The following MGAT4C variants were observed in gnomAD, a reference collection of about 807,000 sequenced individuals.
The protein encoded by MGAT4C is MGAT4 family member C, also known as alpha-1,3-mannosyl-glycoprotein 4-beta-N-acetylglucosaminyltransferase C.
Under a neutral mutation model 40.1 loss-of-function variants are expected in MGAT4C, and 19 were observed. The ratio of observed to expected loss-of-function variants is 0.47; its 90% CI spans 0.33 to 0.70. The LOEUF (loss-of-function observed/expected upper bound fraction) is 0.70, where lower values mean the gene tolerates loss of function less well. Ranked by LOEUF, MGAT4C falls within the 30% of genes least tolerant of loss-of-function variation. MGAT4C has a pLI of 0.02. For synonymous variants in MGAT4C, 181 were observed against 187.1 expected (o/e 0.97, Z 0.27); for missense variants, 491 against 563.2 (o/e 0.87, Z 1.30).
rs118171256 is a variant in MGAT4C at position 86,422,373 on chromosome 12, C to A, written c.-120+12784G>T. On this transcript the variant is annotated intron_variant, in intron 3 of 7. Transcript: ENST00000548651. ...ATTAAAAATATAACTTATGAGAAAC[C>A]AATTTATTTTCAAAATTTACTCACA... 7.9e-4 allele frequency among the ~76,000 whole-genome samples: 121 copies of A among 152,208 alleles called. 5 individuals are homozygous for A. The East Asian group carries it at 0.022, about 28-fold the overall frequency.
intron 3 of MGAT4C, among the ~76,000 whole-genome samples, chr12:86,429,393 GAAT>G (rs1245711875): frequency 1.3e-5 from 2 of 152,104 alleles, no homozygotes; most frequent in Non-Finnish European, 2.9e-5. Context: ...GATCTATTCT[GAAT>G]AATGTTTGTT....
chr12:86,788,889 A>G (rs1421308384), intron 1 of MGAT4C, among the ~76,000 whole-genome samples: 1 of 152,288 alleles, frequency 6.6e-6, no homozygotes, highest in African/African-American at 2.4e-5. Context: ...TAAGTTTCTC[A>G]TACTTTTGTA....
chr12:86,658,582 CAAAA>C (rs1379584416), intron 2 of MGAT4C, among the ~76,000 whole-genome samples: 1 of 151,966 alleles, frequency 6.6e-6, no homozygotes, highest in Non-Finnish European at 1.5e-5. Context: ...TCACTTAAAA[CAAAA>C]AGAATAAAAG....
At position 86,005,059 on chromosome 12, in the gene MGAT4C, C is replaced by T. The variant is rs566353880; in HGVS notation, c.-6-15507G>A. Among the ~76,000 whole-genome samples, 4 of 152,302 alleles carry T rather than the reference C, an allele frequency of 2.6e-5. No individual in the cohort carries two copies. The East Asian group carries it at 7.7e-4, about 29-fold the overall frequency. On this transcript the variant is annotated intron_variant, in intron 2 of 4. Coordinates refer to ENST00000611864, the MANE Select transcript of MGAT4C (RefSeq NM_001351288.2). ...ATCTCGTTGTAAGATCAAATCAGATCACACCTCGTTACCCTCTGCCTATAA... is the reference window on the plus strand; with the variant it reads ...ATCTCGTTGTAAGATCAAATCAGATTACACCTCGTTACCCTCTGCCTATAA...
chr12:86,534,460 T>G (rs1959037960), intron 2 of MGAT4C, among the ~76,000 whole-genome samples: 1 of 152,140 alleles, frequency 6.6e-6, no homozygotes, highest in East Asian at 1.9e-4. Context: ...GAAATCAAAC[T>G]GTACACCAAC....
intron 3 of MGAT4C, among the ~76,000 whole-genome samples, chr12:86,364,300 T>C (rs748251276): frequency 4.6e-5 from 7 of 152,144 alleles, no homozygotes; most frequent in Non-Finnish European, 7.4e-5. Context: ...TGAACATAGA[T>C]ACAAATATTT....
chr12:86,002,949 C>T (rs1335073483), intron 2 of MGAT4C, among the ~76,000 whole-genome samples: 5 of 151,856 alleles, frequency 3.3e-5, no homozygotes, highest in Admixed American at 1.3e-4. Flanking sequence ...TACAGGCGTC[C>T]GCAATCATGC....
intron 2 of MGAT4C, among the ~76,000 whole-genome samples, chr12:86,726,692 G>A (rs902635290): frequency 2.6e-5 from 4 of 151,930 alleles, no homozygotes; most frequent in Admixed American, 6.6e-5. Flanking sequence ...TAATATGCAT[G>A]CAACATCAAG....
intron 1 of MGAT4C, among the ~76,000 whole-genome samples, chr12:86,750,141 A>T (rs1951212980): frequency 6.6e-6 from 1 of 151,852 alleles, no homozygotes; most frequent in African/African-American, 2.4e-5. Flanking sequence ...AATTTGGTTT[A>T]AGTAAGCCTC....
chr12:86,810,663 C>T (rs1320717065), intron 1 of MGAT4C, among the ~76,000 whole-genome samples: 1 of 151,704 alleles, frequency 6.6e-6, no homozygotes, highest in Non-Finnish European at 1.5e-5. Flanking sequence ...CAGCCTTGCA[C>T]CGAGAAATAA....
chr12:86,085,269 G>A (rs1871563796), intron 1 of MGAT4C, among the ~76,000 whole-genome samples: 1 of 151,918 alleles, frequency 6.6e-6, no homozygotes, highest in South Asian at 2.1e-4. Context: ...TAGTCATGAA[G>A]TCCTTACCCA....
At chr12:86,679,015 A>C (rs1392387006) in intron 2 of MGAT4C, among the ~76,000 whole-genome samples, 4 of 152,124 alleles carry the variant, frequency 2.6e-5, no homozygotes, top group Non-Finnish European at 5.9e-5. Flanking sequence ...ACTGACTTCC[A>C]CAATGGTTGA....
chr12:86,512,232 C>T (rs1958600591), intron 2 of MGAT4C, among the ~76,000 whole-genome samples: 1 of 152,014 alleles, frequency 6.6e-6, no homozygotes, highest in African/African-American at 2.4e-5. Context: ...TCACCTTACA[C>T]CTGTTAGGAC....
intron 3 of MGAT4C, among the ~76,000 whole-genome samples, chr12:86,425,884 T>A (rs926541534): frequency 9.2e-5 from 14 of 152,228 alleles, no homozygotes; most frequent in Non-Finnish European, 1.8e-4. Flanking sequence ...AATTTGCAAA[T>A]GACTTATTTT....
intron 1 of MGAT4C, among the ~76,000 whole-genome samples, chr12:86,110,520 G>T (rs577802180): frequency 2.7e-5 from 4 of 149,628 alleles, no homozygotes; most frequent in South Asian, 4.2e-4. Flanking sequence ...TTTTCTAAAC[G>T]CATATTAAGT....
rs557733057 is a variant in MGAT4C at position 86,560,596 on chromosome 12, T to C, written c.-228-125331A>G. On this transcript the variant is annotated intron_variant, in intron 2 of 7. Transcript: ENST00000548651. ...TTTGATAAACCTCAATATTCTTTCATGATAAAGTTTCTGGGCAAATTCAGC... is the reference window on the plus strand; with the variant it reads ...TTTGATAAACCTCAATATTCTTTCACGATAAAGTTTCTGGGCAAATTCAGC... Among the ~76,000 whole-genome samples the C allele has an allele frequency of 2.6e-5, 4 of 152,272 alleles. No homozygotes were observed. In the East Asian group the frequency reaches 7.7e-4, roughly 29 times the overall value.
intron 1 of MGAT4C, among the ~76,000 whole-genome samples, chr12:86,251,759 T>C (rs1302325256): frequency 6.6e-6 from 1 of 151,988 alleles, no homozygotes; most frequent in African/African-American, 2.4e-5. Flanking sequence ...CTTGAGAGTT[T>C]TATGGTGTGC....
In MGAT4C at chr12:86,726,375, C is replaced by T. The variant is rs1950821919; in HGVS notation, c.-229+834G>A. Among the ~76,000 whole-genome samples the T allele has an allele frequency of 3.9e-5, 6 of 152,168 alleles. 1 individual carries two copies. The South Asian group carries it at 1.2e-3, about 32-fold the overall frequency. On this transcript the variant is annotated intron_variant, in intron 2 of 7. Coordinates refer to the MGAT4C transcript ENST00000548651. ...TAGAGATCCAAAAATGTAAATTGTC[C>T]ATTTGAATAACACTGCTGTGTAAAT...
chr12:86,394,755 G>A (rs1450088888), intron 3 of MGAT4C, among the ~76,000 whole-genome samples: 3 of 150,682 alleles, frequency 2.0e-5, no homozygotes, highest in Admixed American at 1.3e-4. Context: ...GAGTAACTGG[G>A]ATTACAGGAT....
Sources: allele counts gnomAD v4.1 joint callset (sites outside exome capture counted in the v4.1 genomes callset), GRCh38; gene constraint gnomAD v4.1.1; transcripts MANE v1.5; gene names NCBI Gene and HGNC (gene_info 2026-07-23, HGNC 2026-07-21).